FHOD3: variants seen among roughly 807,000 people sequenced by gnomAD.
FHOD3 encodes FH1/FH2 domain-containing protein 3.
A neutral mutation model predicts 173.0 loss-of-function variants in FHOD3; 90 were observed. The ratio of observed to expected loss-of-function variants is 0.52; its 90% CI spans 0.44 to 0.62. The LOEUF (loss-of-function observed/expected upper bound fraction) is 0.62. FHOD3 is among the 20% of genes least tolerant of loss of function. The probability of loss-of-function intolerance (pLI) is 0.00; values close to 1 mark genes in which losing one functional copy is unlikely to be tolerated. For synonymous variants in FHOD3, 828 were observed against 823.0 expected (o/e 1.01, Z -0.10); for missense variants, 1,945 against 2,034.7 (o/e 0.96, Z 0.85).
intron 8 of FHOD3, among the ~76,000 whole-genome samples, chr18:36,603,235 A>G (rs1380124845): frequency 6.6e-6 from 1 of 152,134 alleles, no homozygotes; most frequent in African/African-American, 2.4e-5. Flanking sequence ...CATTGTGAAA[A>G]TCTAAAATTT....
At chr18:36,648,234 A>T (rs55819484) in intron 10 of FHOD3, among the ~76,000 whole-genome samples, 4,144 of 152,188 alleles carry the variant, frequency 0.027, 69 homozygotes, top group Middle Eastern at 0.061. Context: ...GTTGGATGTA[A>T]GATTTCCAAG....
intron 11 of FHOD3, among the ~76,000 whole-genome samples, chr18:36,651,369 A>G (rs538644551): frequency 1.3e-5 from 2 of 152,340 alleles, no homozygotes; most frequent in Admixed American, 6.5e-5. Context: ...TTATAAATGT[A>G]TGTGTTAAAA....
At chr18:36,529,757 G>A (rs553206582) in intron 5 of FHOD3, among the ~76,000 whole-genome samples, 274 of 152,142 alleles carry the variant, frequency 1.8e-3, no homozygotes, top group Middle Eastern at 3.4e-3. Flanking sequence ...CTGAGATCGC[G>A]CCACTGCACT....
At chr18:36,427,973 A>G (rs2050340315) in intron 3 of FHOD3, among the ~76,000 whole-genome samples, 1 of 152,210 alleles carries the variant, frequency 6.6e-6, no homozygotes, top group Non-Finnish European at 1.5e-5. Flanking sequence ...CATGTTGTAG[A>G]TATGTATCTT....
At chr18:36,519,497 G>A (rs914128888) in intron 5 of FHOD3, among the ~76,000 whole-genome samples, 4 of 152,146 alleles carry the variant, frequency 2.6e-5, no homozygotes, top group African/African-American at 9.7e-5. Context: ...GGGTGGTTTG[G>A]AGGCTCCTCG....
intron 1 of FHOD3, among the ~76,000 whole-genome samples, chr18:36,322,566 GA>G (rs1425337621): frequency 6.6e-6 from 1 of 152,096 alleles, no homozygotes; most frequent in Non-Finnish European, 1.5e-5. Context: ...TTCCATGGGG[GA>G]TTGGTGGGCA....
chr18:36,596,524 A>G (rs2030461762), intron 7 of FHOD3, among the ~76,000 whole-genome samples: 2 of 151,816 alleles, frequency 1.3e-5, no homozygotes, highest in African/African-American at 4.8e-5. Context: ...CCACCTTTGA[A>G]TGCTGAATCC....
intron 3 of FHOD3, among the ~76,000 whole-genome samples, chr18:36,419,817 C>G (rs1227564041): frequency 6.6e-6 from 1 of 152,214 alleles, no homozygotes; most frequent in Non-Finnish European, 1.5e-5. Flanking sequence ...AGGAAGTGCG[C>G]TCTCTTTTAT....
intron 6 of FHOD3, among the ~76,000 whole-genome samples, chr18:36,586,779 C>T (rs138714557): frequency 8.5e-5 from 13 of 152,166 alleles, no homozygotes; most frequent in Non-Finnish European, 1.2e-4. Flanking sequence ...CGTGCCTGGC[C>T]GCGTGTTACA....
chr18:36,768,522 C>T (rs561331259), intron 27 of FHOD3, among the ~76,000 whole-genome samples: 2 of 152,190 alleles, frequency 1.3e-5, no homozygotes, highest in South Asian at 4.1e-4. Flanking sequence ...GGAACAAATC[C>T]CTCTGTATAC....
At chr18:36,462,270 A>G (rs2052598566) in intron 3 of FHOD3, among the ~76,000 whole-genome samples, 2 of 151,184 alleles carry the variant, frequency 1.3e-5, no homozygotes, top group Admixed American at 1.3e-4. Flanking sequence ...CCCTCCAGCT[A>G]CCTTCCTTCA....
intron 8 of FHOD3, among the ~76,000 whole-genome samples, chr18:36,610,464 C>T (rs188793543): frequency 1.1e-4 from 16 of 152,322 alleles, no homozygotes; most frequent in African/African-American, 2.9e-4. Context: ...TGCTGTCATA[C>T]GTGGCGTGGC....
chr18:36,410,845 G>A (rs912400256), intron 3 of FHOD3, among the ~76,000 whole-genome samples: 4 of 151,960 alleles, frequency 2.6e-5, no homozygotes, highest in African/African-American at 7.3e-5. Context: ...TTAAAAAATA[G>A]GGTTATTTGG....
chr18:36,385,522 G>A (rs2047986840), intron 3 of FHOD3, among the ~76,000 whole-genome samples: 1 of 152,072 alleles, frequency 6.6e-6, no homozygotes, highest in Non-Finnish European at 1.5e-5. Context: ...TCAGCCTTGT[G>A]AGTGGCTGGG....
At chr18:36,612,214 C>T in intron 9 of FHOD3, 119 bp downstream of exon 9, 5 of 1,117,380 alleles carry the variant, frequency 4.5e-6, no homozygotes, top group Non-Finnish European at 6.3e-6. Flanking sequence ...ATTAGAAACT[C>T]AGCATCGTAG....
intron 3 of FHOD3, among the ~76,000 whole-genome samples, chr18:36,433,085 G>A (rs1200369623): frequency 6.6e-6 from 1 of 152,146 alleles, no homozygotes; most frequent in Non-Finnish European, 1.5e-5. Flanking sequence ...ATTAGGTCAG[G>A]CTCACCTAGG....
At chr18:36,601,101 G>A (rs1036375776) in intron 7 of FHOD3, among the ~76,000 whole-genome samples, 10 of 152,210 alleles carry the variant, frequency 6.6e-5, no homozygotes, top group Non-Finnish European at 1.2e-4. Context: ...CAACTACACC[G>A]TGGTGTGGAC....
At chr18:36,585,528 G>A (rs2058997810) in intron 6 of FHOD3, among the ~76,000 whole-genome samples, 1 of 151,954 alleles carries the variant, frequency 6.6e-6, no homozygotes, top group Admixed American at 6.5e-5. Flanking sequence ...TTCAGGCCAG[G>A]CCTCAAAGAG....
intron 19 of FHOD3, among the ~76,000 whole-genome samples, chr18:36,725,492 C>T (rs2041013982): frequency 6.6e-6 from 1 of 152,180 alleles, no homozygotes; most frequent in African/African-American, 2.4e-5. Context: ...GGGCTTGTTT[C>T]TCAGCCTCTT....
Sources: allele counts gnomAD v4.1 joint callset (sites outside exome capture counted in the v4.1 genomes callset), GRCh38; gene constraint gnomAD v4.1.1; transcripts MANE v1.5; gene names NCBI Gene and HGNC (gene_info 2026-07-23, HGNC 2026-07-21).